Variants in ZBBX observed in about 807,000 individuals in gnomAD.
The protein encoded by ZBBX is zinc finger B-box domain containing, also known as zinc finger B-box domain-containing protein 1.
Under a neutral mutation model 108.5 loss-of-function variants are expected in ZBBX, and 101 were observed. The observed-to-expected ratio is 0.93, with a 90% confidence interval of 0.79 to 1.10. The LOEUF is 1.10. ZBBX is among the 50% of genes least tolerant of loss of function. ZBBX has a pLI of 0.00. For missense variants in ZBBX, 1,009 were observed against 941.4 expected (o/e 1.07, Z -0.94); for synonymous variants, 356 against 323.4 (o/e 1.10, Z -1.08).
At chr3:167,311,853 C>T (rs1576965666) in intron 16 of ZBBX, among the ~76,000 whole-genome samples, 2 of 152,118 alleles carry the variant, frequency 1.3e-5, no homozygotes, top group African/African-American at 4.8e-5. Context: ...AGTACAGCTA[C>T]TTTGGTAAGA....
chr3:167,224,894 T>C, the ZBBX span, among the ~76,000 whole-genome samples: 2 of 151,944 alleles, frequency 1.3e-5, no homozygotes, highest in Admixed American at 6.6e-5. Flanking sequence ...TATCCCCTTC[T>C]TTTTACCACC....
rs191904535 is a variant in ZBBX, at chr3:167,258,131, A to G, written c.2255-15488T>C. ...TCCCCAGTGAGTTTTGATTATGGCTATAATCATAAAACAGTAGATGTTGGC... is the reference window on the plus strand; with the variant it reads ...TCCCCAGTGAGTTTTGATTATGGCTGTAATCATAAAACAGTAGATGTTGGC... On this transcript the variant is annotated intron_variant, in intron 20 of 21. Transcript: ENST00000675490. Among the ~76,000 whole-genome samples, 315 of 152,222 alleles carry G rather than the reference A, an allele frequency of 2.1e-3. 1 individual carries two copies. The highest frequency in any genetic ancestry group is 3.4e-3 in the Middle Eastern group (1 of 294).
chr3:167,290,474 G>C (rs1262139602), intron 18 of ZBBX, among the ~76,000 whole-genome samples: 1 of 152,188 alleles, frequency 6.6e-6, no homozygotes, highest in Non-Finnish European at 1.5e-5. Context: ...TGGACTGTTA[G>C]AAGGAAAACT....
At chr3:167,237,945 C>T (rs1417242581), downstream of ZBBX, among the ~76,000 whole-genome samples, 1 of 151,778 alleles carries the variant, frequency 6.6e-6, no homozygotes. Flanking sequence ...CAGTAGTGGT[C>T]CAATCCTTCC....
intron 12 of ZBBX, among the ~76,000 whole-genome samples, chr3:167,321,345 G>A (rs1044024362): frequency 6.6e-6 from 1 of 151,976 alleles, no homozygotes; most frequent in Non-Finnish European, 1.5e-5. Context: ...ATCTGTATGG[G>A]CTTAATAGGT....
At chr3:167,300,902 C>T (rs1732543769) in intron 17 of ZBBX, among the ~76,000 whole-genome samples, 1 of 150,360 alleles carries the variant, frequency 6.7e-6, no homozygotes, top group African/African-American at 2.5e-5. Context: ...AGGCGTGAGC[C>T]ACTGTGCCTG....
the ZBBX span, among the ~76,000 whole-genome samples, chr3:167,204,120 C>G: frequency 6.6e-6 from 1 of 151,586 alleles, no homozygotes; most frequent in South Asian, 2.1e-4. Flanking sequence ...AACTTCCAAT[C>G]ATCCACAGAA....
At chr3:167,351,294 G>A (rs1178937456) in intron 8 of ZBBX, among the ~76,000 whole-genome samples, 3 of 152,108 alleles carry the variant, frequency 2.0e-5, no homozygotes, top group Non-Finnish European at 4.4e-5. Flanking sequence ...AAACTAAAGA[G>A]AAAAGGAAAT....
chr3:167,349,044 G>A (rs1742192730), intron 9 of ZBBX, among the ~76,000 whole-genome samples: 3 of 152,102 alleles, frequency 2.0e-5, no homozygotes, highest in African/African-American at 7.2e-5. Flanking sequence ...GGAGAAGACA[G>A]GGAGGGAGAG....
At chr3:167,192,590 T>C in the ZBBX span, among the ~76,000 whole-genome samples, 1 of 152,176 alleles carries the variant, frequency 6.6e-6, no homozygotes, top group African/African-American at 2.4e-5. Context: ...CAGCTCCTTT[T>C]TGAACACCAA....
intron 15 of ZBBX, among the ~76,000 whole-genome samples, chr3:167,314,333 C>T (rs893781554): frequency 6.6e-6 from 1 of 152,078 alleles, no homozygotes; most frequent in South Asian, 2.1e-4. Context: ...TGGACCAAAT[C>T]TAATTTAACT....
chr3:167,284,536 T>C (rs947176234), intron 19 of ZBBX, among the ~76,000 whole-genome samples: 7 of 152,160 alleles, frequency 4.6e-5, no homozygotes, highest in Admixed American at 3.3e-4. Context: ...ACTGGACTTC[T>C]GCCAATTCAC....
At chr3:167,293,288 G>T (rs1250659616) in intron 18 of ZBBX, among the ~76,000 whole-genome samples, 1 of 152,134 alleles carries the variant, frequency 6.6e-6, no homozygotes, top group African/African-American at 2.4e-5. Context: ...GAATATCTAT[G>T]CGAAAATCCT....
At chr3:167,335,546 A>G (rs192188593) in intron 9 of ZBBX, among the ~76,000 whole-genome samples, 2 of 152,008 alleles carry the variant, frequency 1.3e-5, no homozygotes, top group East Asian at 3.9e-4. Flanking sequence ...CTTAGCAAAT[A>G]TCCTCCAAAC....
chr3:167,350,277 C>T, intron 9 of ZBBX, 143 bp downstream of exon 9: 1 of 509,044 alleles, frequency 2.0e-6, no homozygotes. Flanking sequence ...TAAAAATATG[C>T]ATCAGGATTG....
intron 6 of ZBBX, 127 bp downstream of exon 6, chr3:167,365,759 G>A: frequency 2.1e-6 from 1 of 485,262 alleles, no homozygotes; most frequent in East Asian, 3.6e-5. Context: ...AAATCAACAA[G>A]TGAATAATAT....
chr3:167,247,835 G>T (rs1374083590), intron 20 of ZBBX, among the ~76,000 whole-genome samples: 2 of 152,164 alleles, frequency 1.3e-5, no homozygotes, highest in African/African-American at 4.8e-5. Flanking sequence ...AAACTGTCAT[G>T]TCTGCCTCTC....
chr3:167,191,930 T>TAGAGAGAGAGAGAGAGAGAG, the ZBBX span, among the ~76,000 whole-genome samples: 2 of 127,262 alleles, frequency 1.6e-5, no homozygotes, highest in African/African-American at 6.6e-5. Context: ...TATATATATA[T>TAGAGAGAGAGAGAGAGAGAG]ATATAGAGCA....
At chr3:167,344,009 T>C (rs1172504536) in intron 9 of ZBBX, among the ~76,000 whole-genome samples, 1 of 151,926 alleles carries the variant, frequency 6.6e-6, no homozygotes, top group Non-Finnish European at 1.5e-5. Context: ...AAATATGCTA[T>C]ATCAAACAAT....
Sources: gnomAD v4.1 joint callset for allele counts (sites outside exome capture counted in the v4.1 genomes callset) on GRCh38, gnomAD v4.1.1 for gene constraint, MANE v1.5 for transcripts, NCBI Gene and HGNC (gene_info 2026-07-23, HGNC 2026-07-21) for gene names.